The following DNM3 variants were observed in gnomAD, a reference collection of about 807,000 sequenced individuals.
DNM3 encodes the protein dynamin-3.
A neutral mutation model predicts 101.6 loss-of-function variants in DNM3; 47 were observed. The ratio of observed to expected loss-of-function variants is 0.46; its 90% CI spans 0.37 to 0.59. The LOEUF (loss-of-function observed/expected upper bound fraction) is 0.59. DNM3 is among the 20% of genes least tolerant of loss of function. The probability of loss-of-function intolerance (pLI) is 0.00; values close to 1 mark genes in which losing one functional copy is unlikely to be tolerated. For synonymous variants in DNM3, 385 were observed against 387.9 expected, an observed-to-expected ratio of 0.99 and a Z score of 0.09; for missense variants, 849 against 1,085.7, an observed-to-expected ratio of 0.78 and a Z score of 3.06.
chr1:172,159,021 A>T (rs897898907), intron 14 of DNM3, among the ~76,000 whole-genome samples: 3 of 152,046 alleles, frequency 2.0e-5, no homozygotes, highest in African/African-American at 7.2e-5. Flanking sequence ...CTATGTATGT[A>T]TGATCACATA....
chr1:172,237,127 G>C (rs1460774593), intron 14 of DNM3, among the ~76,000 whole-genome samples: 1 of 152,136 alleles, frequency 6.6e-6, no homozygotes, highest in African/African-American at 2.4e-5. Flanking sequence ...ACATATGTCA[G>C]TATGAATTAG....
At chr1:172,300,441 T>TATTTAGTCA (rs2064388234) in intron 15 of DNM3, among the ~76,000 whole-genome samples, 1 of 152,176 alleles carries the variant, frequency 6.6e-6, no homozygotes, top group Non-Finnish European at 1.5e-5. Context: ...TGCTTTTGAG[T>TATTTAGTCA]ATTTAGTCAT....
intron 1 of DNM3, among the ~76,000 whole-genome samples, chr1:171,885,196 GA>G (rs1319367271): frequency 6.6e-6 from 1 of 152,028 alleles, no homozygotes; most frequent in African/African-American, 2.4e-5. Context: ...TCTATGGAGA[GA>G]AAATGGGTAT....
At position 172,314,553 on chromosome 1, in the gene DNM3, C is replaced by T. The variant is rs146425472; in HGVS notation, c.1881+5714C>T. Among the ~76,000 whole-genome samples, 253 of 152,332 alleles carry T rather than the reference C, an allele frequency of 1.7e-3. 1 individual carries two copies. Among genetic ancestry groups the T allele is most frequent in the Middle Eastern group, 0.014 (4 of 294 alleles). The stretch of plus-strand genomic sequence containing the variant: ...CCACCCGCATACTGTGCTTTTCTGA[C>T]GGGCTTAGGAAACGGTGCACCAGGA... On this transcript the variant is annotated intron_variant, in intron 16 of 20. Coordinates refer to ENST00000627582, the MANE Select transcript of DNM3 (RefSeq NM_015569.5).
chr1:172,022,726 A>G (rs1329267537), intron 4 of DNM3, among the ~76,000 whole-genome samples: 14 of 151,960 alleles, frequency 9.2e-5, no homozygotes, highest in South Asian at 2.1e-4. Flanking sequence ...CCATATTTCT[A>G]TGTAATCTGT....
intron 14 of DNM3, among the ~76,000 whole-genome samples, chr1:172,136,205 T>G (rs527924972): frequency 1.3e-5 from 2 of 152,274 alleles, no homozygotes; most frequent in Non-Finnish European, 2.9e-5. Context: ...GATTATATAA[T>G]TCCCTTATAG....
chr1:172,354,217 T>C (rs2067337776), intron 17 of DNM3, among the ~76,000 whole-genome samples: 1 of 151,688 alleles, frequency 6.6e-6, no homozygotes, highest in Non-Finnish European at 1.5e-5. Flanking sequence ...AAAACCGGGT[T>C]CTTGAGTTCT....
intron 14 of DNM3, among the ~76,000 whole-genome samples, chr1:172,225,651 A>G (rs1306908906): frequency 1.3e-5 from 2 of 151,938 alleles, no homozygotes; most frequent in Non-Finnish European, 2.9e-5. Flanking sequence ...AGTTGGTAAC[A>G]TGTTGACCAT....
intron 1 of DNM3, among the ~76,000 whole-genome samples, chr1:171,904,385 A>C (rs2038637099): frequency 6.6e-6 from 1 of 152,218 alleles, no homozygotes; most frequent in African/African-American, 2.4e-5. Context: ...TAAGAGAAGC[A>C]TACAATCCAT....
chr1:171,972,863 A>C (rs200872544), intron 2 of DNM3, among the ~76,000 whole-genome samples: 28 of 67,362 alleles, frequency 4.2e-4, no homozygotes, highest in Admixed American at 3.6e-3. Context: ...AACAAACAAA[A>C]AACAAAAACA....
chr1:171,980,704 G>A (rs1200924809), intron 2 of DNM3, among the ~76,000 whole-genome samples: 4 of 151,186 alleles, frequency 2.6e-5, no homozygotes, highest in African/African-American at 7.3e-5. Flanking sequence ...AGAACATGGA[G>A]TATTTATTGG....
chr1:172,255,258 A>G (rs1343270955), intron 15 of DNM3, among the ~76,000 whole-genome samples: 4 of 152,184 alleles, frequency 2.6e-5, no homozygotes, highest in Non-Finnish European at 5.9e-5. Context: ...AATAAAGAAT[A>G]AAAAGGTTTT....
chr1:172,324,053 G>A (rs1363361938), intron 17 of DNM3, among the ~76,000 whole-genome samples: 1 of 152,140 alleles, frequency 6.6e-6, no homozygotes, highest in African/African-American at 2.4e-5. Flanking sequence ...GGGGTTGCTA[G>A]TTTGTTTAAA....
At chr1:172,193,490 T>C (rs1421477324) in intron 14 of DNM3, among the ~76,000 whole-genome samples, 3 of 152,182 alleles carry the variant, frequency 2.0e-5, no homozygotes, top group Non-Finnish European at 2.9e-5. Context: ...CATCTGGTCC[T>C]GGACTTTTTA....
At chr1:172,349,243 G>A (rs899145980) in intron 17 of DNM3, among the ~76,000 whole-genome samples, 4 of 152,178 alleles carry the variant, frequency 2.6e-5, no homozygotes, top group Non-Finnish European at 4.4e-5. Context: ...ACACTTACTC[G>A]AAAAATTACT....
chr1:171,974,261 A>G (rs1206424146), intron 2 of DNM3, among the ~76,000 whole-genome samples: 2 of 152,208 alleles, frequency 1.3e-5, no homozygotes, highest in African/African-American at 2.4e-5. Context: ...TTGAAATTGC[A>G]GTTTTCATTG....
intron 1 of DNM3, among the ~76,000 whole-genome samples, chr1:171,912,292 A>G (rs1470672015): frequency 6.6e-6 from 1 of 152,154 alleles, no homozygotes; most frequent in Non-Finnish European, 1.5e-5. Flanking sequence ...GAGCACATAT[A>G]CTGGTATATA....
intron 2 of DNM3, among the ~76,000 whole-genome samples, chr1:171,931,515 A>T (rs879360941): frequency 2.6e-5 from 4 of 152,172 alleles, no homozygotes; most frequent in Non-Finnish European, 5.9e-5. Flanking sequence ...ATGGTTATGA[A>T]ATCTGTACAT....
rs1195052625 is a variant in DNM3, at chr1:172,409,917, T to C, written c.*2076T>C. 1 of 985,614 alleles carries C rather than the reference T, an allele frequency of 1.0e-6. No homozygotes were observed. The allele number at this position is 985,614 out of a possible 1,614,324, so 61.1% of individuals were successfully genotyped here. ...GAATAACCACTGGTGTGTTCTTAGA[T>C]CAGCACAAACCATGTCAAAAAAAAT... On this transcript the variant is annotated 3_prime_UTR_variant, in exon 21 of 21. Coordinates refer to ENST00000627582, the MANE Select transcript of DNM3 (RefSeq NM_015569.5).
Sources: gnomAD v4.1 joint callset for allele counts (sites outside exome capture counted in the v4.1 genomes callset) on GRCh38, gnomAD v4.1.1 for gene constraint, MANE v1.5 for transcripts, NCBI Gene and HGNC (gene_info 2026-07-23, HGNC 2026-07-21) for gene names.